PCDH7: variants seen among roughly 807,000 people sequenced by gnomAD.
The protein encoded by PCDH7 is protocadherin 7.
In PCDH7, 17 loss-of-function variants were observed where a neutral mutation model predicts 58.9. The ratio of observed to expected loss-of-function variants is 0.29; its 90% CI spans 0.20 to 0.43. PCDH7 has a LOEUF of 0.43. Among genes scored for constraint, PCDH7 ranks in the 20% least tolerant of loss-of-function variants. PCDH7 has a pLI of 1.00. For missense variants in PCDH7, 1,274 were observed against 1,441.0 expected, an observed-to-expected ratio of 0.88 and a Z score of 1.88; for synonymous variants, 664 against 616.4, an observed-to-expected ratio of 1.08 and a Z score of -1.14.
At chr4:31,133,560 C>T (rs897963709) in intron 3 of PCDH7, among the ~76,000 whole-genome samples, 2 of 152,142 alleles carry the variant, frequency 1.3e-5, no homozygotes, top group Non-Finnish European at 2.9e-5. Context: ...TGAATCATCT[C>T]ATTTGCAGCA....
At chr4:31,002,059 A>G (rs1054063077) in intron 3 of PCDH7, among the ~76,000 whole-genome samples, 1 of 152,170 alleles carries the variant, frequency 6.6e-6, no homozygotes, top group Non-Finnish European at 1.5e-5. Context: ...CTGCTTTGCT[A>G]TTTTAAACAA....
chr4:31,011,295 C>T (rs1265873423), intron 3 of PCDH7, among the ~76,000 whole-genome samples: 1 of 151,964 alleles, frequency 6.6e-6, no homozygotes, highest in Non-Finnish European at 1.5e-5. Flanking sequence ...TAAGAAAGTA[C>T]ATCAAATTGC....
At chr4:30,915,798 C>T (rs1165829335) in intron 1 of PCDH7, among the ~76,000 whole-genome samples, 1 of 152,122 alleles carries the variant, frequency 6.6e-6, no homozygotes, top group Non-Finnish European at 1.5e-5. Context: ...GCTGGGATTA[C>T]AGGTGTGAGC....
chr4:30,831,389 G>A (rs935128750), intron 1 of PCDH7, among the ~76,000 whole-genome samples: 2 of 151,962 alleles, frequency 1.3e-5, no homozygotes, highest in African/African-American at 2.4e-5. Flanking sequence ...ACTAGCTATG[G>A]GACAAAACTT....
chr4:30,833,512 A>G (rs1730072048), intron 1 of PCDH7, among the ~76,000 whole-genome samples: 1 of 152,146 alleles, frequency 6.6e-6, no homozygotes. Flanking sequence ...ATAATCTTCT[A>G]TTTTAAAATC....
At position 30,720,505 on chromosome 4, in the gene PCDH7, G is replaced by A. The variant is rs1445596896; in HGVS notation, c.-918G>A. The A allele has an allele frequency of 6.5e-6, 1 of 152,716 alleles. No homozygotes were observed. The highest frequency in any genetic ancestry group is 1.9e-4 in the East Asian group (1 of 5,186). The allele number at this position is 152,716 out of a possible 1,614,324, so 9.5% of individuals were successfully genotyped here. ...GCACTGCTCAGCCTTCGCCCCCGTGGGCGAAAGGCTGCTGCGGTTTCAGGC... is the reference window on the plus strand; with the variant it reads ...GCACTGCTCAGCCTTCGCCCCCGTGAGCGAAAGGCTGCTGCGGTTTCAGGC... On this transcript the variant is annotated 5_prime_UTR_variant, in exon 1 of 2. Coordinates refer to ENST00000361762, the Ensembl canonical transcript of PCDH7. This position sits in a 1 kb window ranked among gnomAD's most constrained non-coding sequence, Gnocchi z 4.7.
intron 3 of PCDH7, among the ~76,000 whole-genome samples, chr4:31,057,459 G>C (rs1757349163): frequency 6.6e-6 from 1 of 152,136 alleles, no homozygotes; most frequent in African/African-American, 2.4e-5. Context: ...TTAGAGAAGA[G>C]ATTAAAACTT....
chr4:31,143,714 G>T (rs1314316828), downstream of PCDH7: 1 of 152,116 alleles, frequency 6.6e-6, no homozygotes, highest in East Asian at 1.9e-4. Context: ...GGCAGATCAG[G>T]GAAGTCATGA....
chr4:30,989,231 T>C (rs1751249365), intron 3 of PCDH7, among the ~76,000 whole-genome samples: 1 of 151,318 alleles, frequency 6.6e-6, no homozygotes, highest in South Asian at 2.1e-4. Context: ...GTCACAAGAA[T>C]GGTGTAAATA....
At chr4:30,854,217 T>C (rs1455103202) in intron 1 of PCDH7, among the ~76,000 whole-genome samples, 4 of 150,830 alleles carry the variant, frequency 2.7e-5, no homozygotes, top group Admixed American at 6.7e-5. Flanking sequence ...ACCTTGGCAC[T>C]CTGGACATTT....
intron 3 of PCDH7, among the ~76,000 whole-genome samples, chr4:31,086,613 G>C (rs1712475372): frequency 6.6e-6 from 1 of 152,118 alleles, no homozygotes; most frequent in Non-Finnish European, 1.5e-5. Flanking sequence ...CTTTCAGAAA[G>C]AATCAACTTC....
intron 1 of PCDH7, among the ~76,000 whole-genome samples, chr4:30,845,916 TGAAACTAGAA>T (rs1475507154): frequency 3.3e-5 from 5 of 152,172 alleles, no homozygotes; most frequent in African/African-American, 1.2e-4. Flanking sequence ...TTGAATGCTG[TGAAACTAGAA>T]ATTGATTAAC....
At chr4:31,082,553 A>T (rs1202719663) in intron 3 of PCDH7, among the ~76,000 whole-genome samples, 1 of 152,232 alleles carries the variant, frequency 6.6e-6, no homozygotes, top group Non-Finnish European at 1.5e-5. Flanking sequence ...GCCTTTAAAA[A>T]GCAAGAAAGT....
intron 3 of PCDH7, among the ~76,000 whole-genome samples, chr4:31,130,560 A>T (rs932755306): frequency 6.6e-6 from 1 of 152,220 alleles, no homozygotes; most frequent in Non-Finnish European, 1.5e-5. Context: ...AACAATAACT[A>T]CAAACTTAGA....
At chr4:31,096,965 T>C (rs578062286) in intron 3 of PCDH7, among the ~76,000 whole-genome samples, 105 of 152,146 alleles carry the variant, frequency 6.9e-4, no homozygotes, top group African/African-American at 2.2e-3. Context: ...TGCATTTGTG[T>C]ATGTGCTTTT....
chr4:30,768,279 A>ATCCAAGTAGTATGCATACATCT (rs142514265), intron 1 of PCDH7, among the ~76,000 whole-genome samples: 78,277 of 143,968 alleles, frequency 0.54, 23,115 homozygotes, highest in African/African-American at 0.72. Context: ...ATATTGGCTA[A>ATCCAAGTAGTATGCATACATCT]TCCAAGTAGT....
intron 1 of PCDH7, 74 bp downstream of exon 1, chr4:30,724,670 A>AG (rs1714357556): frequency 6.6e-7 from 1 of 1,507,054 alleles, no homozygotes; most frequent in African/African-American, 1.4e-5. Flanking sequence ...TCTTCTGTAA[A>AG]GTTTTGTCTT....
downstream of PCDH7, among the ~76,000 whole-genome samples, chr4:30,736,663 G>A (rs1233595826): frequency 2.0e-5 from 3 of 151,394 alleles, no homozygotes; most frequent in African/African-American, 7.3e-5. Context: ...AGCCTCCCGA[G>A]TAGCTGGGAC....
At chr4:30,950,864 G>A (rs189826052) in intron 3 of PCDH7, among the ~76,000 whole-genome samples, 88 of 152,220 alleles carry the variant, frequency 5.8e-4, no homozygotes, top group African/African-American at 2.0e-3. Context: ...CTTCATTCAG[G>A]GTGCTATATT....
Sources: gnomAD v4.1 joint callset for allele counts (sites outside exome capture counted in the v4.1 genomes callset) on GRCh38, gnomAD v4.1.1 for gene constraint, Gnocchi (gnomAD v3.1) non-coding constraint, MANE v1.5 for transcripts, NCBI Gene and HGNC (gene_info 2026-07-23, HGNC 2026-07-21) for gene names.